The following RPIA variants were observed in gnomAD, a reference collection of about 807,000 sequenced individuals.
The protein encoded by RPIA is ribose-5-phosphate isomerase.
RPIA carries 29 observed loss-of-function variants against 37.8 expected under a neutral mutation model. The observed-to-expected ratio is 0.77, with a 90% CI of 0.57 to 1.05. RPIA has a LOEUF of 1.05. RPIA is among the 50% of genes least tolerant of loss of function. The pLI, the probability that RPIA is intolerant of heterozygous loss-of-function variation, is 0.00. For missense variants in RPIA, 385 were observed against 413.6 expected (o/e 0.93, Z 0.60); for synonymous variants, 167 against 157.0 (o/e 1.06, Z -0.48).
chr2:88,735,822 G>A, intron 6 of RPIA, 85 bp downstream of exon 6: 1 of 1,312,448 alleles, frequency 7.6e-7, no homozygotes, highest in Non-Finnish European at 1.1e-6. Context: ...AAGAGGAAAT[G>A]GAGAGCTGCA....
chr2:88,698,511 GGTTCTACAATT>G lies in RPIA; in HGVS notation c.316_326del (p.Ser106ProfsTer8). 6.2e-7 allele frequency: 1 copy of G among 1,614,168 alleles called. No individual in the cohort carries two copies. The highest frequency in any genetic ancestry group is 8.5e-7 in the Non-Finnish European group (1 of 1,180,018). ...TAACCAAGTGCTGGGAATTGGAAGTGGTTCTACAATTGTCCATGCTGTGCAGCGAATAGGTA... is the reference window on the plus strand; with the variant it reads ...TAACCAAGTGCTGGGAATTGGAAGTGGTCCATGCTGTGCAGCGAATAGGTA... On this transcript the variant is annotated frameshift_variant, in exon 2 of 9. Transcript: ENST00000283646. LOFTEE classifies it high-confidence loss of function.
intron 8 of RPIA, among the ~76,000 whole-genome samples, chr2:88,739,281 A>T (rs1469346339): frequency 3.3e-5 from 5 of 152,232 alleles, no homozygotes; most frequent in Non-Finnish European, 5.9e-5. Context: ...TTAATGGAGC[A>T]GACTATTCTG....
Position 88,750,668 on chromosome 2 carries a change from G to A in RPIA, c.*590G>A. 2.5e-6 allele frequency: 1 copy of A among 398,442 alleles called. No homozygotes were observed. Among genetic ancestry groups the A allele is most frequent in the Admixed American group, 4.4e-5 (1 of 22,804 alleles). 24.7% of individuals were successfully genotyped at this position (398,442 alleles called of 1,614,324 possible). On this transcript the variant is annotated 3_prime_UTR_variant, in exon 9 of 9. Coordinates refer to ENST00000283646, the MANE Select transcript of RPIA (RefSeq NM_144563.3). ...AATGACTTGGAATGTAAGCTGTCAG[G>A]GAGAAAATGTTGTTACACTTTTGCT...
At chr2:88,749,850 GA>G in intron 8 of RPIA, 130 bp from the exon 9 acceptor site, 2 of 674,534 alleles carry the variant, frequency 3.0e-6, no homozygotes, top group Non-Finnish European at 5.5e-6. Context: ...CTCTGTGGGA[GA>G]AAAAGGCTTT....
intron 4 of RPIA, among the ~76,000 whole-genome samples, chr2:88,733,393 T>G: frequency 6.6e-6 from 1 of 152,172 alleles, no homozygotes; most frequent in Non-Finnish European, 1.5e-5. Context: ...CACATGGGCC[T>G]CACAGGGGTT....
intron 1 of RPIA, among the ~76,000 whole-genome samples, chr2:88,697,595 G>T (rs1420182252): frequency 6.6e-6 from 1 of 152,116 alleles, no homozygotes; most frequent in African/African-American, 2.4e-5. Flanking sequence ...CTGCTTGTAG[G>T]TACCTTCTTT....
intron 4 of RPIA, among the ~76,000 whole-genome samples, chr2:88,734,160 G>A (rs1313153548): frequency 6.6e-6 from 1 of 151,822 alleles, no homozygotes; most frequent in Non-Finnish European, 1.5e-5. Context: ...TGGCCCTTTG[G>A]TGGGACAAAA....
intron 3 of RPIA, among the ~76,000 whole-genome samples, chr2:88,724,600 T>C (rs1673174857): frequency 6.6e-6 from 1 of 152,192 alleles, no homozygotes; most frequent in Admixed American, 6.5e-5. Flanking sequence ...TGAACCACTG[T>C]GCCTGGCAGC....
chr2:88,715,646 C>G (rs6742845), intron 3 of RPIA, among the ~76,000 whole-genome samples: 9,872 of 152,246 alleles, frequency 0.065, 576 homozygotes, highest in African/African-American at 0.15. Context: ...ACATCCTGGA[C>G]TTGAAAATAT....
chr2:88,716,484 A>T (rs1418216413), intron 3 of RPIA, among the ~76,000 whole-genome samples: 1 of 152,136 alleles, frequency 6.6e-6, no homozygotes, highest in Non-Finnish European at 1.5e-5. Flanking sequence ...AGCTAAATGC[A>T]GGTGTTCAAA....
chr2:88,736,421 TG>T (rs1395195573), intron 6 of RPIA, 113 bp from the exon 7 acceptor site: 1 of 1,084,238 alleles, frequency 9.2e-7, no homozygotes, highest in African/African-American at 1.6e-5. Flanking sequence ...ATATTGCCCT[TG>T]ATCACTTTCC....
chr2:88,700,156 A>C, intron 3 of RPIA, 92 bp downstream of exon 3: 1 of 1,219,420 alleles, frequency 8.2e-7, no homozygotes, highest in Non-Finnish European at 1.2e-6. Context: ...CTTGTACCTC[A>C]AGGTTGTTCT....
At chr2:88,735,080 T>C (rs568253977) in intron 5 of RPIA, among the ~76,000 whole-genome samples, 1 of 152,296 alleles carries the variant, frequency 6.6e-6, no homozygotes, top group Admixed American at 6.5e-5. Context: ...TTGAAAAAGG[T>C]GAAATCCTGT....
rs750253754 is a variant in RPIA at position 88,736,691 on chromosome 2, TG to T, written c.738+18del. 5 of 1,608,448 alleles carry T rather than the reference TG, an allele frequency of 3.1e-6. No individual in the cohort carries two copies. The East Asian group carries it at 1.1e-4, about 36-fold the overall frequency. On this transcript the variant is annotated intron_variant, in intron 7 of 8. Transcript: ENST00000283646. ...TCAACAAGGCTGTGAGTGGCCTGGT[TG>T]GGCCGGGGGTGTGCTGGGTGCACTC...
chr2:88,732,695 A>T (rs1673258723), intron 4 of RPIA, among the ~76,000 whole-genome samples: 1 of 7,602 alleles, frequency 1.3e-4, no homozygotes, highest in Non-Finnish European at 2.6e-4. Flanking sequence ...AACCTGCACA[A>T]TGTGCACATG....
chr2:88,722,846 G>A (rs1237924006), intron 3 of RPIA, among the ~76,000 whole-genome samples: 3 of 152,172 alleles, frequency 2.0e-5, no homozygotes, highest in Admixed American at 6.5e-5. Context: ...CTTTAAAGGG[G>A]TTCAACTCAT....
chr2:88,692,039 T>G, intron 1 of RPIA, 56 bp downstream of exon 1: 1 of 1,522,954 alleles, frequency 6.6e-7, no homozygotes, highest in Non-Finnish European at 8.8e-7. Flanking sequence ...GATGGGCTAC[T>G]GTTGCGCGTT....
chr2:88,695,398 C>T (rs1672719994), intron 1 of RPIA, among the ~76,000 whole-genome samples: 2 of 152,122 alleles, frequency 1.3e-5, no homozygotes, highest in African/African-American at 4.8e-5. Context: ...TGGAGGATAC[C>T]CAGCTGGTGT....
intron 1 of RPIA, among the ~76,000 whole-genome samples, chr2:88,694,833 A>C (rs754523855): frequency 6.6e-6 from 1 of 152,166 alleles, no homozygotes; most frequent in South Asian, 2.1e-4. Context: ...CTGCAGGTGA[A>C]GAAGAATCTG....
Sources: allele counts gnomAD v4.1 joint callset (sites outside exome capture counted in the v4.1 genomes callset), GRCh38; gene constraint gnomAD v4.1.1; transcripts MANE v1.5; gene names NCBI Gene and HGNC (gene_info 2026-07-23, HGNC 2026-07-21).